The following F2 variants were observed in gnomAD, a reference collection of about 807,000 sequenced individuals.
The protein encoded by F2 is prothrombin.
Under a neutral mutation model 81.9 loss-of-function variants are expected in F2, and 34 were observed. The observed-to-expected ratio is 0.42, with a 90% CI of 0.32 to 0.55. F2 has a LOEUF of 0.55. Ranked by LOEUF, F2 falls within the 20% of genes least tolerant of loss-of-function variation. The pLI, the probability that F2 is intolerant of heterozygous loss-of-function variation, is 0.18. For synonymous variants in F2, 296 were observed against 326.4 expected (o/e 0.91, Z 1.01); for missense variants, 630 against 833.4 (o/e 0.76, Z 3.00).
chr11:46,736,736 C>T (rs546929439), intron 12 of F2, among the ~76,000 whole-genome samples: 45 of 152,354 alleles, frequency 3.0e-4, no homozygotes, highest in Admixed American at 3.9e-4. Flanking sequence ...GCGTACATAG[C>T]TGGGAAGGCT....
chr11:46,739,488 TA>T lies in F2; in HGVS notation c.*84del. ...GTGTTTCTAAAACTATGGTTCCCAA[TA>T]AAAGTGACTCTCAGCGAGCCTCAAT... On this transcript the variant is annotated 3_prime_UTR_variant, in exon 14 of 14. Transcript: ENST00000311907. 1.6e-5 allele frequency: 25 copies of T among 1,582,554 alleles called. No homozygotes were observed. The highest frequency in any genetic ancestry group is 2.2e-5 in the Non-Finnish European group (25 of 1,157,852).
chr11:46,732,367 C>T (rs1366295239), intron 12 of F2, among the ~76,000 whole-genome samples: 1 of 151,828 alleles, frequency 6.6e-6, no homozygotes, highest in Non-Finnish European at 1.5e-5. Flanking sequence ...ACTTAAGGAT[C>T]CTTACTTTAT....
chr11:46,723,517 T>C lies in F2; in HGVS notation c.558T>C (p.Cys186=), dbSNP rs1230462022. The change falls in exon 6 of 14, where the codon TGT becomes TGC. Residue 186 remains cysteine (C), a splice_region_variant and synonymous_variant. Coordinates refer to ENST00000311907, the MANE Select transcript of F2 (RefSeq NM_000506.5). This position sits in a 1 kb window ranked among gnomAD's most constrained non-coding sequence, Gnocchi z 5.6. ...GGCAGGAATGCAGCATCCCTGTCTG[T>C]GGTAAGCTGGGGGCAGTGGGGCGGC... ...VRRQECSIPV[C]GQDQVTVAMT... 4 of 1,611,046 alleles carry C rather than the reference T, an allele frequency of 2.5e-6. No individual in the cohort carries two copies. Among genetic ancestry groups the C allele is most frequent in the Non-Finnish European group, 3.4e-6 (4 of 1,178,574 alleles).
rs1196505773 is a variant in F2 at position 46,726,799 on chromosome 11, T to C, written c.1092T>C (p.Ile364=). 2.5e-6 allele frequency: 4 copies of C among 1,614,168 alleles called. No individual in the cohort carries two copies. Among genetic ancestry groups the C allele is most frequent in the Non-Finnish European group, 3.4e-6 (4 of 1,180,022 alleles). The change falls in exon 9 of 14, where the codon ATT becomes ATC. Residue 364 remains isoleucine (I), a synonymous_variant. Coordinates refer to ENST00000311907, the MANE Select transcript of F2 (RefSeq NM_000506.5). This position sits in a 1 kb window ranked among gnomAD's most constrained non-coding sequence, Gnocchi z 5.9. ...ELLESYIDGR[I]VEGSDAEIGM... ...TGGAATCCTACATCGACGGGCGCAT[T>C]GTGGAGGGCTCGGATGCAGAGATCG... is the stretch of plus-strand genomic sequence containing the variant.
intron 6 of F2, among the ~76,000 whole-genome samples, chr11:46,725,293 T>A (rs1451884337): frequency 6.6e-6 from 1 of 151,952 alleles, no homozygotes; most frequent in East Asian, 1.9e-4. Context: ...GATCTTGAAC[T>A]CCTGACCTCC....
At position 46,723,167 on chromosome 11, in the gene F2, G is replaced by A; in HGVS notation, c.317-13G>A. On this transcript the variant is annotated splice_polypyrimidine_tract_variant and intron_variant, in intron 4 of 13. Coordinates refer to ENST00000311907, the MANE Select transcript of F2 (RefSeq NM_000506.5). The surrounding 1 kb of genome is among the most constrained non-coding windows in gnomAD (Gnocchi z 5.6). Reference sequence around the variant, plus strand: ...CCCAGGCTCCAAGGCTGACCGGGGTGGGGTCTCCGCAGGTAACTGTGCTGA... The same window carrying A: ...CCCAGGCTCCAAGGCTGACCGGGGTAGGGTCTCCGCAGGTAACTGTGCTGA... 6.2e-7 allele frequency: 1 copy of A among 1,612,486 alleles called. No individual in the cohort carries two copies. The highest frequency in any genetic ancestry group is 8.5e-7 in the Non-Finnish European group (1 of 1,178,754).
chr11:46,731,429 C>T (rs1268779879), intron 12 of F2, among the ~76,000 whole-genome samples: 4 of 152,036 alleles, frequency 2.6e-5, no homozygotes, highest in African/African-American at 9.7e-5. Context: ...AATCCACCCA[C>T]CTCGGCTTCC....
chr11:46,720,314 G>T (rs1475462280), intron 2 of F2: 2 of 628,616 alleles, frequency 3.2e-6, no homozygotes, highest in African/African-American at 3.7e-5. Context: ...GCCTCTTTCA[G>T]TCTCGGTGTG....
chr11:46,723,555 C>A lies in F2; in HGVS notation c.559+37C>A. The A allele has an allele frequency of 1.3e-6, 2 of 1,583,246 alleles. No individual in the cohort carries two copies. The highest frequency in any genetic ancestry group is 1.7e-6 in the Non-Finnish European group (2 of 1,163,310). ...GCAGTGGGGCGGCCCATGGCCAAGG[C>A]CCGGGGGCTTCATGGGGCCTGGCAG... On this transcript the variant is annotated intron_variant, in intron 6 of 13. Coordinates refer to ENST00000311907, the MANE Select transcript of F2 (RefSeq NM_000506.5). The surrounding 1 kb of genome is among the most constrained non-coding windows in gnomAD (Gnocchi z 5.6).
At chr11:46,720,657 TC>T in intron 3 of F2, 110 bp downstream of exon 3, 1 of 1,500,078 alleles carries the variant, frequency 6.7e-7, no homozygotes, top group Non-Finnish European at 9.3e-7. Context: ...ATCCACCCCT[TC>T]CCCACTCCTT....
intron 12 of F2, 128 bp from the exon 13 acceptor site, chr11:46,738,919 AG>A: frequency 1.1e-6 from 1 of 896,970 alleles, no homozygotes; most frequent in South Asian, 1.4e-5. Flanking sequence ...TTGGATGGGT[AG>A]GGTGAGGAAG....
At position 46,734,114 on chromosome 11, in the gene F2, T is replaced by C. The variant is rs578250347; in HGVS notation, c.1654+4553T>C. On this transcript the variant is annotated intron_variant, in intron 12 of 13. Transcript: ENST00000311907. ...GGACCATTTTTATATAATTTTTTTT[T>C]TGAGACAGAGTCTTGCTTTGTCACC... 2.0e-5 allele frequency among the ~76,000 whole-genome samples: 3 copies of C among 151,920 alleles called. No individual in the cohort carries two copies. The South Asian group carries it at 6.2e-4, about 32-fold the overall frequency.
chr11:46,730,667 T>TA (rs1291586208), intron 12 of F2, among the ~76,000 whole-genome samples: 2 of 151,720 alleles, frequency 1.3e-5, no homozygotes, highest in Non-Finnish European at 2.9e-5. Flanking sequence ...ACTTTAAAAG[T>TA]AAAAAATAAA....
chr11:46,719,394 A>T lies in F2; in HGVS notation c.79+80A>T. 1 of 1,484,722 alleles carries T rather than the reference A, an allele frequency of 6.7e-7. No homozygotes were observed. Among genetic ancestry groups the T allele is most frequent in the Non-Finnish European group, 9.2e-7 (1 of 1,085,598 alleles). The allele number at this position is 1,484,722 out of a possible 1,614,324, so 92.0% of individuals were successfully genotyped here. ...GGGCTGGGGTCTCCTGGCTGGACAG[A>T]GCACACAGAGCTGGCCCCTAAGTAG... is the stretch of plus-strand genomic sequence containing the variant. On this transcript the variant is annotated intron_variant, in intron 1 of 13. Coordinates refer to ENST00000311907, the MANE Select transcript of F2 (RefSeq NM_000506.5). The surrounding 1 kb of genome is among the most constrained non-coding windows in gnomAD (Gnocchi z 4.7).
chr11:46,730,888 G>A (rs1437247462), intron 12 of F2, among the ~76,000 whole-genome samples: 2 of 149,248 alleles, frequency 1.3e-5, no homozygotes, highest in African/African-American at 2.5e-5. Context: ...ACCCAAGGAT[G>A]TTCTCTTATG....
chr11:46,728,789 G>A lies in F2; in HGVS notation c.1424G>A (p.Ser475Asn). ...LMKLKKPVAF[S>N]DYIHPVCLPD... ...AAGCTGAAGAAGCCTGTTGCCTTCA[G>A]TGACTACATTCACCCTGTGTGTCTG... The change falls in exon 11 of 14, where the codon AGT becomes AAT. Residue 475 changes from serine to asparagine, a missense_variant. By Grantham distance (46) the Ser-to-Asn change is conservative. Coordinates refer to ENST00000311907, the MANE Select transcript of F2 (RefSeq NM_000506.5). The surrounding 1 kb of genome is among the most constrained non-coding windows in gnomAD (Gnocchi z 5.1). 6.2e-7 allele frequency: 1 copy of A among 1,614,214 alleles called. No individual in the cohort carries two copies. Among genetic ancestry groups the A allele is most frequent in the South Asian group, 1.1e-5 (1 of 91,084 alleles).
chr11:46,739,019 C>T (rs765014569), intron 12 of F2, 29 bp from the exon 13 acceptor site: 25 of 1,613,198 alleles, frequency 1.5e-5, no homozygotes, highest in Non-Finnish European at 2.1e-5. Flanking sequence ...AGCTATGCTC[C>T]TGAGCACAGA....
chr11:46,734,503 A>C (rs2064932607), intron 12 of F2, among the ~76,000 whole-genome samples: 1 of 152,066 alleles, frequency 6.6e-6, no homozygotes, highest in Non-Finnish European at 1.5e-5. Context: ...TTAAATCTGG[A>C]TTTTGAATCA....
chr11:46,720,195 C>T, intron 2 of F2: 1 of 546,394 alleles, frequency 1.8e-6, no homozygotes, highest in Non-Finnish European at 3.3e-6. Flanking sequence ...GGGGAGGCCA[C>T]CACAAGCCCC....
Sources: allele counts gnomAD v4.1 joint callset (sites outside exome capture counted in the v4.1 genomes callset), GRCh38; gene constraint gnomAD v4.1.1; non-coding constraint Gnocchi (gnomAD v3.1); transcripts MANE v1.5; gene names NCBI Gene and HGNC (gene_info 2026-07-23, HGNC 2026-07-21).